Variants in HEG1 observed in about 807,000 individuals in gnomAD.
HEG1 encodes the protein protein HEG homolog 1.
In HEG1, 56 loss-of-function variants were observed where a neutral mutation model predicts 125.6. That is an observed-to-expected ratio of 0.45 (90% confidence interval 0.36 to 0.56). The LOEUF (loss-of-function observed/expected upper bound fraction) is 0.56, where lower values mean the gene tolerates loss of function less well. HEG1 is among the 20% of genes least tolerant of loss of function. HEG1 has a pLI of 0.00. For synonymous variants in HEG1, 644 were observed against 668.5 expected, an observed-to-expected ratio of 0.96 and a Z score of 0.57; for missense variants, 1,523 against 1,670.0, an observed-to-expected ratio of 0.91 and a Z score of 1.53.
In HEG1 at chr3:125,019,497, A is replaced by G; in HGVS notation, c.1353T>C (p.Gly451=). The G allele has an allele frequency of 6.2e-7, 1 of 1,613,876 alleles. No individual in the cohort carries two copies. Among genetic ancestry groups the G allele is most frequent in the Non-Finnish European group, 8.5e-7 (1 of 1,179,858 alleles). The part of the protein sequence containing the change: ...TVSRSVAPMR[G]GEITAHWLLT... The stretch of plus-strand genomic sequence containing the variant: ...AGAGCCAGTGTGCAGTGATCTCTCC[A>G]CCTCTCATGGGTGCGACTGACCTAG... Residue 451 remains glycine, a synonymous_variant, in exon 5 of 17, where the codon GGT becomes GGC. Transcript: ENST00000311127.
chr3:125,035,442 T>C (rs1022638184), intron 1 of HEG1, among the ~76,000 whole-genome samples: 1 of 152,110 alleles, frequency 6.6e-6, no homozygotes, highest in Non-Finnish European at 1.5e-5. Flanking sequence ...AAATCATCTA[T>C]ACAAGGTGAC....
intron 16 of HEG1, 66 bp downstream of exon 16, chr3:124,973,665 A>G (rs528819133): frequency 7.6e-7 from 1 of 1,308,112 alleles, no homozygotes; most frequent in Non-Finnish European, 1.1e-6. Flanking sequence ...CTACAACAAA[A>G]CAGAATTCCT....
intron 1 of HEG1, among the ~76,000 whole-genome samples, chr3:125,034,347 A>G (rs1937533576): frequency 6.6e-6 from 1 of 152,224 alleles, no homozygotes; most frequent in Non-Finnish European, 1.5e-5. Flanking sequence ...AGTATACAAA[A>G]TTACATTAGA....
intron 14 of HEG1, among the ~76,000 whole-genome samples, chr3:124,989,310 T>G (rs1936791559): frequency 6.6e-6 from 1 of 152,210 alleles, no homozygotes; most frequent in Non-Finnish European, 1.5e-5. Context: ...AGAAATCAGA[T>G]GTAAGGTATA....
chr3:124,983,753 C>G (rs1277882256), intron 14 of HEG1, among the ~76,000 whole-genome samples: 1 of 152,084 alleles, frequency 6.6e-6, no homozygotes, highest in African/African-American at 2.4e-5. Flanking sequence ...GTGAACATAC[C>G]CGGTGCCCAC....
intron 12 of HEG1, among the ~76,000 whole-genome samples, chr3:124,992,467 C>T (rs1051195225): frequency 3.3e-5 from 5 of 152,130 alleles, no homozygotes; most frequent in Non-Finnish European, 4.4e-5. Context: ...GGTTAATGTA[C>T]GAGATACATT....
chr3:124,978,940 A>G (rs1396450365), intron 14 of HEG1, among the ~76,000 whole-genome samples: 1 of 151,706 alleles, frequency 6.6e-6, no homozygotes, highest in Non-Finnish European at 1.5e-5. Context: ...TAGATATAAA[A>G]ATTCTTTTTT....
rs1339021093 is a variant in HEG1, at chr3:124,973,716, C to T, written c.3996+15G>A. ...ACCGGGGGCCCTGGGGTCATCCTGA[C>T]ACAGGAATACACACCGAGTAGTACA... is the stretch of plus-strand genomic sequence containing the variant. On this transcript the variant is annotated intron_variant, in intron 16 of 16. Coordinates refer to ENST00000311127, the MANE Select transcript of HEG1 (RefSeq NM_020733.2). The T allele has an allele frequency of 6.3e-7, 1 of 1,594,466 alleles. No individual in the cohort carries two copies. The highest frequency in any genetic ancestry group is 2.2e-5 in the East Asian group (1 of 44,562).
chr3:125,034,494 G>T (rs1937534607), intron 1 of HEG1, among the ~76,000 whole-genome samples: 1 of 152,154 alleles, frequency 6.6e-6, no homozygotes, highest in Non-Finnish European at 1.5e-5. Context: ...GCCAAAGTGA[G>T]AATTAGAAAA....
At chr3:124,978,020 TC>T in intron 14 of HEG1, 74 bp from the exon 15 acceptor site, 1 of 1,113,760 alleles carries the variant, frequency 9.0e-7, no homozygotes. Flanking sequence ...AAGAATGGTC[TC>T]CCCTGACTCT....
rs141667510 is a variant in HEG1 at position 125,043,754 on chromosome 3, G to A, written c.316+11821C>T. Reference sequence around the variant, plus strand: ...CTTCCGGGTCTCCTGTGTTGTCACCGTCACATTTGATCACACCCAGAGAGG... The same window carrying A: ...CTTCCGGGTCTCCTGTGTTGTCACCATCACATTTGATCACACCCAGAGAGG... On this transcript the variant is annotated intron_variant, in intron 1 of 16. Coordinates refer to ENST00000311127, the MANE Select transcript of HEG1 (RefSeq NM_020733.2). Among the ~76,000 whole-genome samples the A allele has an allele frequency of 7.2e-4, 110 of 152,230 alleles. 1 individual carries two copies. The highest frequency in any genetic ancestry group is 2.0e-3 in the Admixed American group (31 of 15,308).
intron 11 of HEG1, among the ~76,000 whole-genome samples, chr3:124,999,351 C>T (rs1344824329): frequency 6.6e-6 from 1 of 152,144 alleles, no homozygotes; most frequent in Non-Finnish European, 1.5e-5. Flanking sequence ...AAGCTGGCAC[C>T]AGGGAGGTAA....
intron 1 of HEG1, among the ~76,000 whole-genome samples, chr3:125,055,333 T>C (rs1403119115): frequency 6.6e-6 from 1 of 151,986 alleles, no homozygotes; most frequent in South Asian, 2.1e-4. Flanking sequence ...GGGTACCCCA[T>C]AGGAAATAAG....
intron 16 of HEG1, among the ~76,000 whole-genome samples, chr3:124,972,626 T>C (rs3732610): frequency 0.68 from 103,571 of 152,094 alleles, 36,123 homozygotes; most frequent in African/African-American, 0.84. Flanking sequence ...TAAGTCCCCA[T>C]GGGGCAAGGT....
chr3:125,052,223 C>T (rs1937828774), intron 1 of HEG1, among the ~76,000 whole-genome samples: 1 of 151,800 alleles, frequency 6.6e-6, no homozygotes, highest in Non-Finnish European at 1.5e-5. Flanking sequence ...AAGCCTCCGC[C>T]AGGAGTGAGG....
At chr3:124,974,006 C>A (rs1179083137) in intron 15 of HEG1, 101 bp from the exon 16 acceptor site, 2 of 781,522 alleles carry the variant, frequency 2.6e-6, no homozygotes, top group Non-Finnish European at 4.0e-6. Flanking sequence ...CTGAAAGCTA[C>A]CATTATATTT....
chr3:124,987,523 CTT>C (rs1204657705), intron 14 of HEG1, among the ~76,000 whole-genome samples: 14 of 136,166 alleles, frequency 1.0e-4, no homozygotes, highest in Admixed American at 7.4e-5. Context: ...TTCTTTTTTT[CTT>C]TTTTTTTTTT....
intron 1 of HEG1, among the ~76,000 whole-genome samples, chr3:125,040,030 T>C (rs1479313645): frequency 6.6e-6 from 1 of 152,198 alleles, no homozygotes; most frequent in Non-Finnish European, 1.5e-5. Context: ...AGAGGACTTC[T>C]AGATCAGCTT....
intron 11 of HEG1, among the ~76,000 whole-genome samples, chr3:124,998,215 C>T (rs1936952610): frequency 1.3e-5 from 2 of 152,174 alleles, no homozygotes; most frequent in African/African-American, 4.8e-5. Flanking sequence ...GAAAATACGG[C>T]TGAGTTCTTA....
Sources: gnomAD v4.1 joint callset for allele counts (sites outside exome capture counted in the v4.1 genomes callset) on GRCh38, gnomAD v4.1.1 for gene constraint, MANE v1.5 for transcripts, NCBI Gene and HGNC (gene_info 2026-07-23, HGNC 2026-07-21) for gene names.